Variants in FGGY observed in about 807,000 individuals in gnomAD.
FGGY encodes FGGY carbohydrate kinase domain containing.
Under a neutral mutation model 71.3 loss-of-function variants are expected in FGGY, and 72 were observed. The observed-to-expected ratio is 1.01, with a 90% CI of 0.84 to 1.23. The LOEUF (loss-of-function observed/expected upper bound fraction) is 1.23, where lower values mean the gene tolerates loss of function less well. Ranked by LOEUF, FGGY falls within the 50% of genes most tolerant of loss-of-function variation. FGGY has a pLI of 0.00. For missense variants in FGGY, 668 were observed against 682.3 expected (o/e 0.98, Z 0.23); for synonymous variants, 251 against 250.3 (o/e 1.00, Z -0.02).
At chr1:59,626,851 T>C (rs2096861763) in intron 10 of FGGY, 1 of 149,286 alleles carries the variant, frequency 6.7e-6, no homozygotes, top group Admixed American at 6.7e-5. Context: ...TGAGACTCCG[T>C]CTCAAAAAAA....
At chr1:59,757,566 A>G (rs2098303486) in intron 14 of FGGY, among the ~76,000 whole-genome samples, 1 of 152,180 alleles carries the variant, frequency 6.6e-6, no homozygotes, top group Non-Finnish European at 1.5e-5. Context: ...GCGGCTGGTT[A>G]TGTTCCCTGC....
chr1:59,702,292 A>G (rs1053041539), intron 14 of FGGY, among the ~76,000 whole-genome samples: 4 of 152,162 alleles, frequency 2.6e-5, no homozygotes, highest in African/African-American at 9.7e-5. Flanking sequence ...ATTTTTATTA[A>G]TTTACCCTGA....
intron 14 of FGGY, among the ~76,000 whole-genome samples, chr1:59,703,933 T>C (rs2154021352): frequency 6.6e-6 from 1 of 152,282 alleles, no homozygotes; most frequent in Admixed American, 6.5e-5. Context: ...AGTCTTCTGC[T>C]TATGGGGCCT....
At chr1:59,647,741 C>CTTT (rs578262218) in intron 11 of FGGY, among the ~76,000 whole-genome samples, 33 of 111,548 alleles carry the variant, frequency 3.0e-4, no homozygotes, top group African/African-American at 7.9e-4. Flanking sequence ...CTGCCACCAT[C>CTTT]TTTTTTTTTT....
At chr1:59,367,159 C>G (rs539464456) in intron 4 of FGGY, among the ~76,000 whole-genome samples, 4 of 152,328 alleles carry the variant, frequency 2.6e-5, no homozygotes, top group Non-Finnish European at 5.9e-5. Context: ...TCTAGTAGTG[C>G]AGACCTCTCA....
rs1199047397 is a variant in FGGY at position 59,718,387 on chromosome 1, A to G, written c.1513-39544A>G. On this transcript the variant is annotated intron_variant, in intron 14 of 15. Coordinates refer to ENST00000303721, the MANE Select transcript of FGGY (RefSeq NM_018291.5). ...TAGATCAGCCAAGCTCGTGGTTGGT[A>G]GTAATAAAGGGCTTGCCTTCTAGAC... is the stretch of plus-strand genomic sequence containing the variant. 2.6e-5 allele frequency among the ~76,000 whole-genome samples: 4 copies of G among 152,298 alleles called. No homozygotes were observed. The East Asian group carries it at 5.8e-4, about 22-fold the overall frequency.
At chr1:59,749,878 G>T (rs1300923457) in intron 14 of FGGY, among the ~76,000 whole-genome samples, 1 of 152,180 alleles carries the variant, frequency 6.6e-6, no homozygotes, top group Non-Finnish European at 1.5e-5. Context: ...TAAAAATCCA[G>T]TTTCAAATTC....
At chr1:59,568,932 A>G (rs1301322209) in intron 8 of FGGY, among the ~76,000 whole-genome samples, 6 of 152,186 alleles carry the variant, frequency 3.9e-5, no homozygotes, top group Non-Finnish European at 8.8e-5. Flanking sequence ...ATAAATAGTA[A>G]ACACCAAATC....
rs2153751918 is a variant in FGGY, at chr1:59,583,402, T to TTCAATCTA, written c.904-24401_904-24400insTCAATCTA. On this transcript the variant is annotated intron_variant, in intron 8 of 15. Coordinates refer to ENST00000303721, the MANE Select transcript of FGGY (RefSeq NM_018291.5). ...AAAAATAAAGGTCTTATTTTTACAT[T>TTCAATCTA]GACACTTTCAATCTAGGTAAACTTG... Among the ~76,000 whole-genome samples, 3 of 143,644 alleles carry TTCAATCTA rather than the reference T, an allele frequency of 2.1e-5. 1 individual carries two copies. The highest frequency in any genetic ancestry group is 8.2e-5 in the African/African-American group (3 of 36,782). The allele number at this position is 143,644 out of a possible 152,430, so 94.2% of individuals were successfully genotyped here.
At chr1:59,380,643 G>A (rs2059303486) in intron 5 of FGGY, among the ~76,000 whole-genome samples, 1 of 151,308 alleles carries the variant, frequency 6.6e-6, no homozygotes, top group African/African-American at 2.4e-5. Context: ...TGATGGGGTT[G>A]TGTTTTTCTT....
intron 2 of FGGY, among the ~76,000 whole-genome samples, chr1:59,333,238 G>A (rs953959154): frequency 6.6e-6 from 1 of 152,164 alleles, no homozygotes; most frequent in Non-Finnish European, 1.5e-5. Context: ...TGTGTGAGAT[G>A]GGCTTACCCA....
At chr1:59,601,474 A>G (rs1172798895) in intron 8 of FGGY, among the ~76,000 whole-genome samples, 1 of 152,186 alleles carries the variant, frequency 6.6e-6, no homozygotes, top group East Asian at 1.9e-4. Context: ...AGCACATGGA[A>G]AGAGGCTTCT....
chr1:59,371,899 G>A lies in FGGY; in HGVS notation c.466-6850G>A, dbSNP rs569884449. 7.3e-3 allele frequency among the ~76,000 whole-genome samples: 1,104 copies of A among 152,188 alleles called. 20 individuals carry two copies. The highest frequency in any genetic ancestry group is 0.025 in the African/African-American group (1,021 of 41,514). On this transcript the variant is annotated intron_variant, in intron 4 of 15. Transcript: ENST00000303721. ...CAACATACCAGAATCTCTGGGACAC[G>A]TTCAAAGCAGTGTGTAGAGGGAAAT... is the stretch of plus-strand genomic sequence containing the variant.
intron 8 of FGGY, among the ~76,000 whole-genome samples, chr1:59,561,733 G>A (rs1012542928): frequency 5.9e-5 from 9 of 152,202 alleles, no homozygotes; most frequent in African/African-American, 1.7e-4. Context: ...GAGGCAAAGA[G>A]TGGTTAAGTG....
chr1:59,364,641 T>C (rs867326870), intron 4 of FGGY, among the ~76,000 whole-genome samples: 42 of 152,330 alleles, frequency 2.8e-4, no homozygotes, highest in African/African-American at 1.0e-3. Flanking sequence ...TTCAGTCTAG[T>C]GAGAGAGACA....
intron 11 of FGGY, among the ~76,000 whole-genome samples, chr1:59,642,319 A>G (rs899832151): frequency 6.6e-6 from 1 of 152,222 alleles, no homozygotes; most frequent in African/African-American, 2.4e-5. Context: ...TTAAGTATAC[A>G]GTGAGTGGGG....
chr1:59,346,246 G>C lies in FGGY; in HGVS notation c.314-1G>C. 6.2e-7 allele frequency: 1 copy of C among 1,612,862 alleles called. No individual in the cohort carries two copies. The highest frequency in any genetic ancestry group is 2.2e-5 in the East Asian group (1 of 44,876). On this transcript the variant is annotated splice_acceptor_variant, in intron 3 of 15. Transcript: ENST00000303721. LOFTEE classifies it high-confidence loss of function. ...CTGCATCTCCCTCTCGTTTCTGCTA[G>C]GGGATTCCCATCGAAACGTCATCAT...
At chr1:59,539,998 C>G (rs2153685184) in intron 7 of FGGY, among the ~76,000 whole-genome samples, 1 of 152,216 alleles carries the variant, frequency 6.6e-6, no homozygotes, top group East Asian at 1.9e-4. Flanking sequence ...TACAAATGGA[C>G]AATAAGATAC....
intron 5 of FGGY, among the ~76,000 whole-genome samples, chr1:59,387,040 CGTTTCTGATGTGTGT>C: frequency 6.6e-6 from 1 of 151,424 alleles, no homozygotes; most frequent in African/African-American, 2.4e-5. Flanking sequence ...ATAATTATTA[CGTTTCTGATGTGTGT>C]GGTTCTCTGT....
Sources: gnomAD v4.1 joint callset for allele counts (sites outside exome capture counted in the v4.1 genomes callset) on GRCh38, gnomAD v4.1.1 for gene constraint, MANE v1.5 for transcripts, NCBI Gene and HGNC (gene_info 2026-07-23, HGNC 2026-07-21) for gene names.